Variants in PHTF2 observed in about 807,000 individuals in gnomAD.
PHTF2 encodes the protein protein PHTF2.
A neutral mutation model predicts 101.2 loss-of-function variants in PHTF2; 60 were observed. The ratio of observed to expected loss-of-function variants is 0.59; its 90% CI spans 0.48 to 0.73. The LOEUF (loss-of-function observed/expected upper bound fraction) is 0.73, where lower values mean the gene tolerates loss of function less well. Among genes scored for constraint, PHTF2 ranks in the 30% least tolerant of loss-of-function variants. The probability of loss-of-function intolerance (pLI) is 0.00; values close to 1 mark genes in which losing one functional copy is unlikely to be tolerated. For missense variants in PHTF2, 747 were observed against 908.7 expected (o/e 0.82, Z 2.29); for synonymous variants, 311 against 307.3 (o/e 1.01, Z -0.13).
rs116821166 is a variant in PHTF2 at position 77,889,946 on chromosome 7, C to T, written c.148-3662C>T. Among the ~76,000 whole-genome samples the T allele has an allele frequency of 7.1e-3, 1,073 of 152,102 alleles. 14 individuals carry two copies. Among genetic ancestry groups the T allele is most frequent in the African/African-American group, 0.024 (1,008 of 41,498 alleles). On this transcript the variant is annotated intron_variant, in intron 3 of 19. Transcript: ENST00000416283. Reference sequence around the variant, plus strand: ...AGAAGAAGTCTGCTGCAAAGGAGAACTGATTCCTGCACTTACAGACATTTA... The same window carrying T: ...AGAAGAAGTCTGCTGCAAAGGAGAATTGATTCCTGCACTTACAGACATTTA...
chr7:77,949,258 G>C (rs894976971), intron 16 of PHTF2, among the ~76,000 whole-genome samples: 1 of 151,686 alleles, frequency 6.6e-6, no homozygotes, highest in African/African-American at 2.4e-5. Context: ...CAACTCCCAA[G>C]TGCTTAGAAA....
At chr7:77,949,218 C>T (rs575888267) in intron 16 of PHTF2, among the ~76,000 whole-genome samples, 5 of 152,006 alleles carry the variant, frequency 3.3e-5, no homozygotes, top group Admixed American at 2.0e-4. Context: ...GATAATGTAA[C>T]ATTTATATAA....
chr7:77,812,653 A>G (rs1405091014), intron 1 of PHTF2, among the ~76,000 whole-genome samples: 5 of 151,428 alleles, frequency 3.3e-5, no homozygotes, highest in Non-Finnish European at 5.9e-5. Context: ...GCAGTGGCAC[A>G]ATCTTGGCTC....
At chr7:77,830,174 A>G (rs1453367795) in intron 1 of PHTF2, among the ~76,000 whole-genome samples, 4 of 152,202 alleles carry the variant, frequency 2.6e-5, no homozygotes, top group African/African-American at 4.8e-5. Context: ...TAAGTACACT[A>G]AAGTCTATAT....
At chr7:77,941,349 G>A (rs543054531) in intron 15 of PHTF2, among the ~76,000 whole-genome samples, 63 of 152,212 alleles carry the variant, frequency 4.1e-4, no homozygotes, top group East Asian at 2.7e-3. Flanking sequence ...TAGTGTCACT[G>A]CTGCAAATTG....
chr7:77,887,704 A>G (rs952948305), intron 3 of PHTF2, among the ~76,000 whole-genome samples: 1 of 152,230 alleles, frequency 6.6e-6, no homozygotes, highest in African/African-American at 2.4e-5. Flanking sequence ...GTTACCAAAG[A>G]TACAGGATGA....
chr7:77,869,224 A>G (rs1385543798), intron 3 of PHTF2, among the ~76,000 whole-genome samples: 1 of 152,200 alleles, frequency 6.6e-6, no homozygotes, highest in Non-Finnish European at 1.5e-5. Context: ...TAATGATTAG[A>G]TCAGGGTAAT....
chr7:77,831,363 A>T (rs1335141830), intron 1 of PHTF2, among the ~76,000 whole-genome samples: 1 of 152,252 alleles, frequency 6.6e-6, no homozygotes, highest in East Asian at 1.9e-4. Flanking sequence ...CTATTGGTGA[A>T]GAGTTGATCC....
At chr7:77,913,978 A>T (rs912399215) in intron 9 of PHTF2, among the ~76,000 whole-genome samples, 1 of 151,622 alleles carries the variant, frequency 6.6e-6, no homozygotes, top group Non-Finnish European at 1.5e-5. Context: ...AGGCAGGAGA[A>T]TCACTTGAAC....
intron 1 of PHTF2, among the ~76,000 whole-genome samples, chr7:77,826,492 C>G (rs927907491): frequency 2.6e-5 from 4 of 152,132 alleles, no homozygotes; most frequent in Non-Finnish European, 5.9e-5. Context: ...TCTATGAACA[C>G]ACCTGGTTTC....
chr7:77,808,389 C>A (rs1258238200), intron 1 of PHTF2, among the ~76,000 whole-genome samples: 3 of 152,168 alleles, frequency 2.0e-5, no homozygotes. Context: ...TGCTTGTTTA[C>A]AAGTCCTGTC....
chr7:77,850,150 A>G (rs570601105), intron 2 of PHTF2, among the ~76,000 whole-genome samples: 2 of 151,040 alleles, frequency 1.3e-5, no homozygotes, highest in South Asian at 2.1e-4. Flanking sequence ...CAGGAGTTCA[A>G]TGTCAGCCTG....
chr7:77,880,073 A>G (rs1190953172), intron 3 of PHTF2, among the ~76,000 whole-genome samples: 1 of 152,230 alleles, frequency 6.6e-6, no homozygotes, highest in Non-Finnish European at 1.5e-5. Context: ...TACTGTTGAC[A>G]TTATGACTTT....
chr7:77,837,602 A>G (rs1433328121), intron 1 of PHTF2, among the ~76,000 whole-genome samples: 1 of 152,170 alleles, frequency 6.6e-6, no homozygotes, highest in Admixed American at 6.5e-5. Context: ...TAAACAGAAA[A>G]TTCGTTGAAT....
chr7:77,832,826 A>G (rs1452695244), intron 1 of PHTF2, among the ~76,000 whole-genome samples: 2 of 152,038 alleles, frequency 1.3e-5, no homozygotes, highest in Non-Finnish European at 2.9e-5. Context: ...TGTAATAATA[A>G]TAGAAATAAA....
chr7:77,923,476 G>C lies in PHTF2; in HGVS notation c.1119+698G>C, dbSNP rs573574205. 9.1e-6 allele frequency: 9 copies of C among 985,114 alleles called. No individual in the cohort carries two copies. The Admixed American group carries it at 4.9e-4, about 54-fold the overall frequency. The allele number at this position is 985,114 out of a possible 1,614,324, so 61.0% of individuals were successfully genotyped here. ...TTGTAAAACAAACACATGTTACGCT[G>C]TGCTGGAATATGATTGCCTTCAGAG... On this transcript the variant is annotated intron_variant, in intron 11 of 19. Transcript: ENST00000416283.
chr7:77,895,250 C>A, intron 5 of PHTF2: 2 of 404,286 alleles, frequency 4.9e-6, no homozygotes, highest in South Asian at 3.7e-5. Flanking sequence ...ATAGATATAG[C>A]TATAGGAATG....
intron 3 of PHTF2, among the ~76,000 whole-genome samples, chr7:77,881,386 T>C (rs1799398368): frequency 6.6e-6 from 1 of 152,200 alleles, no homozygotes; most frequent in South Asian, 2.1e-4. Context: ...TTCAATTTCC[T>C]TAGGTGATCA....
intron 1 of PHTF2, among the ~76,000 whole-genome samples, chr7:77,803,885 A>G (rs985377245): frequency 9.2e-5 from 14 of 152,216 alleles, no homozygotes; most frequent in African/African-American, 3.1e-4. Flanking sequence ...AGAGCTTCAC[A>G]TTATCAACTT....
Sources: gnomAD v4.1 joint callset for allele counts (sites outside exome capture counted in the v4.1 genomes callset) on GRCh38, gnomAD v4.1.1 for gene constraint, MANE v1.5 for transcripts, NCBI Gene and HGNC (gene_info 2026-07-23, HGNC 2026-07-21) for gene names.